MTUS1: variants seen among roughly 807,000 people sequenced by gnomAD.
The protein encoded by MTUS1 is microtubule-associated tumor suppressor 1.
MTUS1 carries 109 observed loss-of-function variants against 120.8 expected under a neutral mutation model. The ratio of observed to expected loss-of-function variants is 0.90; its 90% CI spans 0.77 to 1.06. MTUS1 has a LOEUF of 1.06. MTUS1 is among the 50% of genes least tolerant of loss of function. MTUS1 has a pLI of 0.00. For missense variants in MTUS1, 2,210 were observed against 1,486.3 expected, an observed-to-expected ratio of 1.49 and a Z score of -8.01; for synonymous variants, 737 against 550.5, an observed-to-expected ratio of 1.34 and a Z score of -4.74.
At chr8:17,711,352 C>T (rs894596491) in intron 6 of MTUS1, among the ~76,000 whole-genome samples, 4 of 152,226 alleles carry the variant, frequency 2.6e-5, no homozygotes, top group African/African-American at 9.6e-5. Flanking sequence ...TTCTGGATGA[C>T]TCGCTGTAGC....
chr8:17,730,814 G>A (rs1438155751), intron 3 of MTUS1, among the ~76,000 whole-genome samples: 4 of 152,190 alleles, frequency 2.6e-5, no homozygotes, highest in African/African-American at 9.7e-5. Context: ...GCCAGGGGCT[G>A]AAAGAGACGG....
At chr8:17,706,662 T>C (rs1380045512) in intron 6 of MTUS1, among the ~76,000 whole-genome samples, 1 of 152,230 alleles carries the variant, frequency 6.6e-6, no homozygotes, top group South Asian at 2.1e-4. Flanking sequence ...GTACATATTG[T>C]GATTTCCTGA....
intron 1 of MTUS1, among the ~76,000 whole-genome samples, chr8:17,796,544 T>C (rs965291913): frequency 7.2e-5 from 11 of 152,198 alleles, no homozygotes; most frequent in African/African-American, 2.7e-4. Flanking sequence ...AATCACAAGT[T>C]GCCAATCTGC....
chr8:17,679,487 T>TTTA (rs201161773), intron 7 of MTUS1, among the ~76,000 whole-genome samples: 1 of 32,320 alleles, frequency 3.1e-5, no homozygotes, highest in African/African-American at 6.3e-5. Context: ...ACTATTTTTA[T>TTTA]TTTATTTATT....
intron 2 of MTUS1, among the ~76,000 whole-genome samples, chr8:17,751,947 C>T (rs141721101): frequency 6.8e-6 from 1 of 147,676 alleles, no homozygotes; most frequent in Non-Finnish European, 1.5e-5. Flanking sequence ...GAATATGGGA[C>T]AATCTTTCAA....
intron 6 of MTUS1, among the ~76,000 whole-genome samples, chr8:17,696,201 G>A (rs1817913022): frequency 6.6e-6 from 1 of 152,096 alleles, no homozygotes; most frequent in Non-Finnish European, 1.5e-5. Context: ...AGACTGAAAG[G>A]GAGAGGCTGG....
intron 6 of MTUS1, among the ~76,000 whole-genome samples, chr8:17,696,341 C>G (rs1817937692): frequency 6.6e-6 from 1 of 151,886 alleles, no homozygotes; most frequent in Admixed American, 6.6e-5. Flanking sequence ...AAACAAATCA[C>G]CAGGGACAGA....
intron 6 of MTUS1, among the ~76,000 whole-genome samples, chr8:17,699,008 T>C (rs1818506960): frequency 6.6e-6 from 1 of 152,118 alleles, no homozygotes; most frequent in Non-Finnish European, 1.5e-5. Flanking sequence ...ACTAAAAATA[T>C]ACCAGAACCT....
intron 7 of MTUS1, among the ~76,000 whole-genome samples, chr8:17,675,736 T>G (rs554180549): frequency 3.3e-5 from 5 of 152,252 alleles, no homozygotes; most frequent in African/African-American, 1.2e-4. Flanking sequence ...GACAAAAAGT[T>G]TGTTAGAAAG....
At chr8:17,758,689 G>A (rs1264014898) in intron 1 of MTUS1, among the ~76,000 whole-genome samples, 1 of 152,152 alleles carries the variant, frequency 6.6e-6, no homozygotes, top group Non-Finnish European at 1.5e-5. Flanking sequence ...TTAACAGACT[G>A]TGGCATAAGC....
intron 1 of MTUS1, among the ~76,000 whole-genome samples, chr8:17,783,099 C>A (rs1016644284): frequency 2.6e-4 from 40 of 152,126 alleles, no homozygotes; most frequent in African/African-American, 9.7e-4. Context: ...AACAAACACA[C>A]ACACGCCCTT....
intron 12 of MTUS1, among the ~76,000 whole-genome samples, chr8:17,652,645 G>A (rs1242320877): frequency 6.6e-6 from 1 of 151,920 alleles, no homozygotes; most frequent in African/African-American, 2.4e-5. Flanking sequence ...AACTTTTCCT[G>A]GGCAACATGG....
intron 7 of MTUS1, 98 bp downstream of exon 7, chr8:17,684,230 A>G: frequency 1.2e-6 from 1 of 835,122 alleles, no homozygotes; most frequent in Non-Finnish European, 2.0e-6. Flanking sequence ...CTTTCCCATC[A>G]TTTACCTAGA....
intron 6 of MTUS1, among the ~76,000 whole-genome samples, chr8:17,702,806 A>T (rs897158738): frequency 6.6e-6 from 1 of 152,164 alleles, no homozygotes; most frequent in Non-Finnish European, 1.5e-5. Flanking sequence ...TGGCTATCAT[A>T]ATGTGGCAAT....
At chr8:17,707,609 C>T (rs7386698) in intron 6 of MTUS1, among the ~76,000 whole-genome samples, 140,905 of 152,208 alleles carry the variant, frequency 0.93, 65,307 homozygotes, top group Non-Finnish European at 0.94. Flanking sequence ...ATTCCTAAAA[C>T]CTCACCTGAC....
At chr8:17,694,497 C>G (rs1411971942) in intron 6 of MTUS1, among the ~76,000 whole-genome samples, 1 of 152,026 alleles carries the variant, frequency 6.6e-6, no homozygotes, top group Non-Finnish European at 1.5e-5. Context: ...GAAACCCCAT[C>G]TCTATTAAAA....
chr8:17,782,945 G>C (rs2050990802), intron 1 of MTUS1, among the ~76,000 whole-genome samples: 1 of 152,178 alleles, frequency 6.6e-6, no homozygotes, highest in East Asian at 1.9e-4. Flanking sequence ...GGGTGTGGTA[G>C]TGGGCGCCTG....
In MTUS1 at chr8:17,653,562, A is replaced by C. The variant is rs1420142356; in HGVS notation, c.3215-64T>G. 4 of 1,179,412 alleles carry C rather than the reference A, an allele frequency of 3.4e-6. No individual in the cohort carries two copies. The Admixed American group carries it at 7.7e-5, about 23-fold the overall frequency. 73.1% of individuals were successfully genotyped at this position (1,179,412 alleles called of 1,614,324 possible). A position where few individuals can be genotyped will look rare whatever the true frequency, so the allele number is the denominator to read the frequency against. On this transcript the variant is annotated intron_variant, in intron 10 of 14. Coordinates refer to ENST00000693296, the MANE Select transcript of MTUS1 (RefSeq NM_001363059.2). ...CTATGAGATCAATGTACTCTAAAAC[A>C]GTTAAAGCATATAGATGTAGGGGTT...
chr8:17,684,673 T>C (rs1390720315), intron 6 of MTUS1, 131 bp from the exon 7 acceptor site: 36 of 713,322 alleles, frequency 5.0e-5, no homozygotes, highest in South Asian at 4.3e-4. Context: ...GGAATGCATA[T>C]GGATGAGAAC....
Sources: allele counts gnomAD v4.1 joint callset (sites outside exome capture counted in the v4.1 genomes callset), GRCh38; gene constraint gnomAD v4.1.1; transcripts MANE v1.5; gene names NCBI Gene and HGNC (gene_info 2026-07-23, HGNC 2026-07-21).